CLEC16A: variants seen among roughly 807,000 people sequenced by gnomAD.
CLEC16A encodes the protein protein CLEC16A.
In CLEC16A, 51 loss-of-function variants were observed where a neutral mutation model predicts 109.5. The observed-to-expected ratio is 0.47, with a 90% CI of 0.37 to 0.59. CLEC16A has a LOEUF of 0.59. CLEC16A is among the 20% of genes least tolerant of loss of function. The pLI, the probability that CLEC16A is intolerant of heterozygous loss-of-function variation, is 0.00. For missense variants in CLEC16A, 1,339 were observed against 1,394.0 expected, an observed-to-expected ratio of 0.96 and a Z score of 0.63; for synonymous variants, 673 against 564.2, an observed-to-expected ratio of 1.19 and a Z score of -2.73.
chr16:10,952,450 C>T (rs1259873395), intron 1 of CLEC16A, among the ~76,000 whole-genome samples: 2 of 152,194 alleles, frequency 1.3e-5, no homozygotes, highest in Admixed American at 6.5e-5. Context: ...GCCAAGATCA[C>T]GCCACTGCAC....
At chr16:11,019,177 A>T (rs2045944795) in intron 11 of CLEC16A, among the ~76,000 whole-genome samples, 1 of 152,032 alleles carries the variant, frequency 6.6e-6, no homozygotes, top group African/African-American at 2.4e-5. Flanking sequence ...AAAGATGTGA[A>T]CTCTGAGTTC....
intron 22 of CLEC16A, among the ~76,000 whole-genome samples, chr16:11,164,999 G>T (rs1164593950): frequency 6.6e-6 from 1 of 152,082 alleles, no homozygotes; most frequent in Non-Finnish European, 1.5e-5. Context: ...AGAGGGTTGA[G>T]ATCCCCTCTC....
chr16:11,023,490 T>C (rs1161870388), intron 12 of CLEC16A, among the ~76,000 whole-genome samples: 1 of 152,174 alleles, frequency 6.6e-6, no homozygotes, highest in Admixed American at 6.5e-5. Flanking sequence ...TGGTGCCCCA[T>C]CTGGGGCTGT....
intron 19 of CLEC16A, among the ~76,000 whole-genome samples, chr16:11,071,600 CTTT>C (rs762936938): frequency 6.7e-5 from 8 of 118,910 alleles, no homozygotes; most frequent in Non-Finnish European, 5.4e-5. Flanking sequence ...TATTACGTTT[CTTT>C]TTTTTTTTTT....
rs955982706 is a variant in CLEC16A, at chr16:11,156,390, C to A, written c.2642-9998C>A. ...ATCTCAAAAAAAAAAAAAAAAAACA[C>A]AACTAATCTGCCACTCCTTGGCCAG... On this transcript the variant is annotated intron_variant, in intron 22 of 23. Coordinates refer to ENST00000409790, the MANE Select transcript of CLEC16A (RefSeq NM_015226.3). 1.2e-3 allele frequency among the ~76,000 whole-genome samples: 161 copies of A among 139,736 alleles called. 1 individual carries two copies. The highest frequency in any genetic ancestry group is 2.1e-3 in the Non-Finnish European group (136 of 64,022). The allele number at this position is 139,736 out of a possible 152,430, so 91.7% of individuals were successfully genotyped here.
At chr16:10,952,261 AG>A (rs2041773112) in intron 1 of CLEC16A, among the ~76,000 whole-genome samples, 1 of 152,254 alleles carries the variant, frequency 6.6e-6, no homozygotes, top group Admixed American at 6.5e-5. Flanking sequence ...TGGGAAGCCG[AG>A]GCAGGCAGAT....
intron 10 of CLEC16A, among the ~76,000 whole-genome samples, chr16:10,993,326 C>T (rs1178167631): frequency 6.6e-6 from 1 of 152,084 alleles, no homozygotes; most frequent in Non-Finnish European, 1.5e-5. Flanking sequence ...TTGCAGTGAG[C>T]CATGATCACA....
At chr16:11,165,609 A>C (rs2068226988) in intron 22 of CLEC16A, among the ~76,000 whole-genome samples, 1 of 152,124 alleles carries the variant, frequency 6.6e-6, no homozygotes, top group Non-Finnish European at 1.5e-5. Context: ...ATGTAGTGAT[A>C]CTCCAGGTTG....
At chr16:11,104,044 G>T (rs2051076144) in intron 19 of CLEC16A, among the ~76,000 whole-genome samples, 1 of 152,188 alleles carries the variant, frequency 6.6e-6, no homozygotes, top group African/African-American at 2.4e-5. Flanking sequence ...CCCCACAGAT[G>T]TGTGTGGCAC....
At chr16:11,097,960 A>G (rs913708171) in intron 19 of CLEC16A, among the ~76,000 whole-genome samples, 2 of 152,128 alleles carry the variant, frequency 1.3e-5, no homozygotes, top group African/African-American at 4.8e-5. Context: ...TCTGCCTCCC[A>G]CAAGTGATGC....
chr16:10,952,700 G>T (rs1162927390), intron 1 of CLEC16A, among the ~76,000 whole-genome samples: 1 of 152,206 alleles, frequency 6.6e-6, no homozygotes, highest in Admixed American at 6.5e-5. Context: ...CCAGGGCATT[G>T]TGGGACAGAA....
intron 19 of CLEC16A, among the ~76,000 whole-genome samples, chr16:11,078,001 G>GTA (rs1259399880): frequency 6.7e-6 from 1 of 148,402 alleles, no homozygotes; most frequent in Non-Finnish European, 1.5e-5. Context: ...GTGTGTGTGT[G>GTA]TGTGTGTGTT....
intron 22 of CLEC16A, chr16:11,156,969 C>T: frequency 1.7e-6 from 1 of 600,492 alleles, no homozygotes; most frequent in South Asian, 2.3e-5. Context: ...TTAGACTTGG[C>T]AGCCCTCACA....
rs567288964 is a variant in CLEC16A, at chr16:11,140,769, C to A, written c.2641+14623C>A. Among the ~76,000 whole-genome samples, 8 of 152,258 alleles carry A rather than the reference C, an allele frequency of 5.3e-5. No individual in the cohort carries two copies. The East Asian group carries it at 7.7e-4, about 15-fold the overall frequency. On this transcript the variant is annotated intron_variant, in intron 22 of 23. Coordinates refer to ENST00000409790, the MANE Select transcript of CLEC16A (RefSeq NM_015226.3). The stretch of plus-strand genomic sequence containing the variant: ...TGTTTAAACTGTGCCACAGCCCTGC[C>A]GAGGAAGCCATTGCAATCAAGAGGC...
intron 11 of CLEC16A, among the ~76,000 whole-genome samples, chr16:11,012,581 T>C (rs1302421849): frequency 2.6e-5 from 3 of 113,254 alleles, no homozygotes; most frequent in South Asian, 2.7e-4. Flanking sequence ...GGCGATAGAG[T>C]GAGACTCCGT....
intron 1 of CLEC16A, among the ~76,000 whole-genome samples, chr16:10,945,740 CGA>C (rs1158499968): frequency 6.6e-6 from 1 of 152,214 alleles, no homozygotes; most frequent in African/African-American, 2.4e-5. Context: ...ATCAGCTCAG[CGA>C]GGCCTTCCCA....
intron 19 of CLEC16A, among the ~76,000 whole-genome samples, chr16:11,063,840 TGGCAGAG>T (rs201351098): frequency 1.4e-5 from 2 of 147,436 alleles, no homozygotes; most frequent in East Asian, 4.0e-4. Flanking sequence ...GAGAGGAGAG[TGGCAGAG>T]GGCAGAGGTC....
chr16:11,003,116 C>T lies in CLEC16A; in HGVS notation c.1114C>T (p.Leu372Phe). 1 of 1,613,702 alleles carries T rather than the reference C, an allele frequency of 6.2e-7. No individual in the cohort carries two copies. The highest frequency in any genetic ancestry group is 8.5e-7 in the Non-Finnish European group (1 of 1,179,872). Residue 372 changes from leucine to phenylalanine, a missense_variant, in exon 11 of 24, where the codon CTC becomes TTC. This residue lies in a region of CLEC16A where 1,061 missense variants were observed against 1,006.8 expected (regional missense o/e 1.05). Coordinates refer to ENST00000409790, the MANE Select transcript of CLEC16A (RefSeq NM_015226.3). ...IRCFIKPTET[L>F]ERSLEMNKHK... The stretch of plus-strand genomic sequence containing the variant: ...GTGCTTCATTAAACCCACCGAGACA[C>T]TCGAGCGGTCCCTTGAGATGAACAA...
chr16:11,052,888 T>G (rs973144261), intron 18 of CLEC16A, among the ~76,000 whole-genome samples: 3 of 41,936 alleles, frequency 7.2e-5, no homozygotes, highest in African/African-American at 6.9e-4. Flanking sequence ...TGCCTTTTTG[T>G]TGTTGTTGTT....
Sources: allele counts gnomAD v4.1 joint callset (sites outside exome capture counted in the v4.1 genomes callset), GRCh38; gene constraint gnomAD v4.1.1; regional missense constraint gnomAD v4.1.1; transcripts MANE v1.5; gene names NCBI Gene and HGNC (gene_info 2026-07-23, HGNC 2026-07-21).